RHOBTB2: variants seen among roughly 807,000 people sequenced by gnomAD.
The protein encoded by RHOBTB2 is Rho related BTB domain containing 2.
A neutral mutation model predicts 66.5 loss-of-function variants in RHOBTB2; 39 were observed. That is an observed-to-expected ratio of 0.59 (90% CI 0.45 to 0.77). The LOEUF (loss-of-function observed/expected upper bound fraction) is 0.77. Ranked by LOEUF, RHOBTB2 falls within the 30% of genes least tolerant of loss-of-function variation. The pLI is 0.00. For missense variants in RHOBTB2, 755 were observed against 999.1 expected (o/e 0.76, Z 3.29); for synonymous variants, 390 against 395.0 (o/e 0.99, Z 0.15).
intron 3 of RHOBTB2, 50 bp from the exon 4 acceptor site, chr8:23,005,910 G>A: frequency 3.2e-6 from 5 of 1,561,106 alleles, no homozygotes; most frequent in Non-Finnish European, 4.4e-6. Context: ...CCAGGACCAG[G>A]TAAGCTACCA....
chr8:22,979,696 T>TTTTTTTC, the RHOBTB2 span, among the ~76,000 whole-genome samples: 10 of 151,304 alleles, frequency 6.6e-5, no homozygotes, highest in Non-Finnish European at 1.0e-4. Context: ...GGGAATTCTT[T>TTTTTTTC]TTTTTTCTTT....
the RHOBTB2 span, among the ~76,000 whole-genome samples, chr8:22,963,355 T>C: frequency 6.6e-6 from 1 of 152,184 alleles, no homozygotes; most frequent in Non-Finnish European, 1.5e-5. Flanking sequence ...TACAGAGAAA[T>C]GAAGACACAT....
chr8:22,958,649 A>G, the RHOBTB2 span, among the ~76,000 whole-genome samples: 1 of 151,742 alleles, frequency 6.6e-6, no homozygotes, highest in African/African-American at 2.4e-5. Context: ...AAAATCAAAA[A>G]AATTAGCTGG....
chr8:22,955,796 C>T, the RHOBTB2 span, among the ~76,000 whole-genome samples: 133 of 152,178 alleles, frequency 8.7e-4, no homozygotes, highest in African/African-American at 3.0e-3. Flanking sequence ...TCTCAAACTC[C>T]TGGGTTCAAT....
intron 1 of RHOBTB2, among the ~76,000 whole-genome samples, chr8:22,989,375 T>A (rs1328278360): frequency 2.0e-5 from 3 of 152,220 alleles, no homozygotes; most frequent in African/African-American, 7.2e-5. Flanking sequence ...CTTGAGTTCC[T>A]GGCCTCAAGC....
the RHOBTB2 span, among the ~76,000 whole-genome samples, chr8:22,981,699 C>T: frequency 1.3e-5 from 2 of 152,146 alleles, no homozygotes; most frequent in Admixed American, 6.5e-5. Context: ...GTCAGCTGCC[C>T]TGTCCCCCCA....
the RHOBTB2 span, among the ~76,000 whole-genome samples, chr8:22,981,836 G>C: frequency 6.6e-6 from 1 of 152,200 alleles, no homozygotes; most frequent in Non-Finnish European, 1.5e-5. Flanking sequence ...GTCTCAGCCT[G>C]GCCCTGAGCC....
chr8:22,966,722 C>T, the RHOBTB2 span, among the ~76,000 whole-genome samples: 1 of 152,138 alleles, frequency 6.6e-6, no homozygotes, highest in South Asian at 2.1e-4. Context: ...AGATATCACT[C>T]TATATCCTAT....
At chr8:23,001,898 T>G (rs1810797389) in intron 1 of RHOBTB2, among the ~76,000 whole-genome samples, 1 of 152,174 alleles carries the variant, frequency 6.6e-6, no homozygotes, top group African/African-American at 2.4e-5. Context: ...ATGTCTAAAC[T>G]CATGGCACAG....
chr8:22,969,037 C>G, the RHOBTB2 span, among the ~76,000 whole-genome samples: 13 of 152,138 alleles, frequency 8.5e-5, no homozygotes, highest in East Asian at 2.5e-3. Context: ...AAACACATAC[C>G]CGAGACTGGG....
chr8:22,952,952 G>A, the RHOBTB2 span, among the ~76,000 whole-genome samples: 1 of 152,112 alleles, frequency 6.6e-6, no homozygotes, highest in Non-Finnish European at 1.5e-5. Flanking sequence ...AAGTGCACTT[G>A]GAAGAGCACC....
At chr8:23,008,568 A>T (rs1207628043) in intron 6 of RHOBTB2, among the ~76,000 whole-genome samples, 2 of 152,088 alleles carry the variant, frequency 1.3e-5, no homozygotes, top group African/African-American at 4.8e-5. Context: ...TTTTATTATT[A>T]TTGAGGTGTA....
At chr8:22,998,081 G>A (rs1417006358), upstream of RHOBTB2, among the ~76,000 whole-genome samples, 4 of 152,182 alleles carry the variant, frequency 2.6e-5, no homozygotes, top group African/African-American at 4.8e-5. Context: ...AGAAAGGGGT[G>A]GGAGAAGCAT....
At chr8:22,973,409 G>A in the RHOBTB2 span, among the ~76,000 whole-genome samples, 1 of 151,776 alleles carries the variant, frequency 6.6e-6, no homozygotes, top group African/African-American at 2.4e-5. Flanking sequence ...TTTTTATTTT[G>A]TGTAGAGATG....
the RHOBTB2 span, among the ~76,000 whole-genome samples, chr8:22,970,697 C>T: frequency 6.6e-6 from 1 of 151,990 alleles, no homozygotes; most frequent in South Asian, 2.1e-4. Flanking sequence ...TGGGCTCAAG[C>T]GATCCTCCCT....
At chr8:22,989,226 C>A (rs886357225) in intron 1 of RHOBTB2, among the ~76,000 whole-genome samples, 2 of 152,180 alleles carry the variant, frequency 1.3e-5, no homozygotes, top group African/African-American at 4.8e-5. Flanking sequence ...TGGCTCACTA[C>A]AACCTCTGCC....
rs781110382 is a variant in RHOBTB2 at position 23,010,682 on chromosome 8, C to T, written c.1765C>T (p.Leu589Phe). The T allele has an allele frequency of 1.2e-6, 2 of 1,614,132 alleles. No homozygotes were observed. Among genetic ancestry groups the T allele is most frequent in the South Asian group, 2.2e-5 (2 of 91,074 alleles). Residue 589 changes from leucine (L) to phenylalanine (F), a missense_variant, in exon 7 of 10, where the codon CTC becomes TTC. Leu to Phe is a conservative substitution (Grantham distance 22, BLOSUM62 0). Coordinates refer to ENST00000251822, the MANE Select transcript of RHOBTB2 (RefSeq NM_015178.3). ...CCTCTGCCTGCCACACCTGGTTGCC[C>T]TCACAGGTAACTAAGCAGTGCACTC... ...NRLCLPHLVA[L>F]TEQYTVTGLM...
At chr8:22,954,824 T>A in the RHOBTB2 span, among the ~76,000 whole-genome samples, 832 of 152,240 alleles carry the variant, frequency 5.5e-3, 5 homozygotes, top group Middle Eastern at 0.024. Flanking sequence ...AACAAAAACC[T>A]TTTCTTTCGT....
At chr8:22,954,287 G>T in the RHOBTB2 span, among the ~76,000 whole-genome samples, 1 of 152,322 alleles carries the variant, frequency 6.6e-6, no homozygotes, top group African/African-American at 2.4e-5. Flanking sequence ...GGGAATGTCA[G>T]TTGAAGCTCC....
Sources: gnomAD v4.1 joint callset for allele counts (sites outside exome capture counted in the v4.1 genomes callset) on GRCh38, gnomAD v4.1.1 for gene constraint, MANE v1.5 for transcripts, NCBI Gene and HGNC (gene_info 2026-07-23, HGNC 2026-07-21) for gene names.